Variants in ACSS3 observed in about 807,000 individuals in gnomAD.
The protein encoded by ACSS3 is acyl-CoA synthetase short-chain family member 3, mitochondrial.
Under a neutral mutation model 84.2 loss-of-function variants are expected in ACSS3, and 64 were observed. That is an observed-to-expected ratio of 0.76 (90% CI 0.62 to 0.94). The LOEUF is 0.94. Among genes scored for constraint, ACSS3 ranks in the 40% least tolerant of loss-of-function variants. The probability of loss-of-function intolerance (pLI) is 0.00; values close to 1 mark genes in which losing one functional copy is unlikely to be tolerated. For missense variants in ACSS3, 815 were observed against 867.6 expected (o/e 0.94, Z 0.76); for synonymous variants, 317 against 310.1 (o/e 1.02, Z -0.23).
chr12:81,244,528 C>G (rs2033919134), intron 13 of ACSS3, among the ~76,000 whole-genome samples: 1 of 151,848 alleles, frequency 6.6e-6, no homozygotes, highest in South Asian at 2.1e-4. Flanking sequence ...TTTTGAAGTT[C>G]TTGGATATTT....
chr12:81,217,591 C>T (rs2032966474), intron 10 of ACSS3, among the ~76,000 whole-genome samples: 1 of 152,044 alleles, frequency 6.6e-6, no homozygotes, highest in African/African-American at 2.4e-5. Flanking sequence ...GCCTGTAATC[C>T]CAGCATTTTG....
At chr12:81,095,839 G>A (rs1882005669) in intron 1 of ACSS3, among the ~76,000 whole-genome samples, 1 of 152,216 alleles carries the variant, frequency 6.6e-6, no homozygotes, top group South Asian at 2.1e-4. Flanking sequence ...ACATACTCAT[G>A]TAGGAAGGAT....
chr12:81,176,221 A>G (rs970349616), intron 8 of ACSS3, among the ~76,000 whole-genome samples: 2 of 152,228 alleles, frequency 1.3e-5, no homozygotes, highest in African/African-American at 4.8e-5. Flanking sequence ...AAATACCTCT[A>G]TGCACACAAA....
intron 1 of ACSS3, among the ~76,000 whole-genome samples, chr12:81,087,564 T>C (rs1881400988): frequency 6.6e-6 from 1 of 152,148 alleles, no homozygotes; most frequent in Non-Finnish European, 1.5e-5. Context: ...TCCGTATTAT[T>C]GTCCATTTGC....
At chr12:81,128,998 A>G (rs1347372444) in intron 2 of ACSS3, among the ~76,000 whole-genome samples, 1 of 152,224 alleles carries the variant, frequency 6.6e-6, no homozygotes, top group Non-Finnish European at 1.5e-5. Context: ...CCTGAAAACT[A>G]CTGGAAAAGA....
chr12:81,145,631 G>A (rs960809605), intron 5 of ACSS3, among the ~76,000 whole-genome samples: 1 of 152,176 alleles, frequency 6.6e-6, no homozygotes, highest in Non-Finnish European at 1.5e-5. Flanking sequence ...ATCAGATTTG[G>A]TTCAAAGTTA....
chr12:81,246,997 A>G (rs1328672243), intron 13 of ACSS3, among the ~76,000 whole-genome samples: 1 of 152,094 alleles, frequency 6.6e-6, no homozygotes, highest in Non-Finnish European at 1.5e-5. Context: ...TAACAGCTTA[A>G]TACTTCTTGT....
intron 8 of ACSS3, among the ~76,000 whole-genome samples, chr12:81,191,105 C>T (rs1340893508): frequency 6.6e-6 from 1 of 151,948 alleles, no homozygotes; most frequent in African/African-American, 2.4e-5. Context: ...TGTTTTCATA[C>T]ATGCACAGCC....
intron 2 of ACSS3, among the ~76,000 whole-genome samples, chr12:81,121,984 A>G (rs1436605229): frequency 6.6e-6 from 1 of 151,372 alleles, no homozygotes; most frequent in Non-Finnish European, 1.5e-5. Flanking sequence ...CCCAGACAGG[A>G]GTGCAGTGGC....
At chr12:81,140,688 A>G (rs1886050893) in intron 4 of ACSS3, among the ~76,000 whole-genome samples, 1 of 152,152 alleles carries the variant, frequency 6.6e-6, no homozygotes, top group South Asian at 2.1e-4. Flanking sequence ...ACTTTTTTTA[A>G]AAAAGCTTCT....
chr12:81,197,079 C>T (rs1049398509), intron 8 of ACSS3, among the ~76,000 whole-genome samples: 2 of 151,702 alleles, frequency 1.3e-5, no homozygotes, highest in African/African-American at 2.4e-5. Flanking sequence ...AGAAAACGAA[C>T]GTGGATTAGT....
chr12:81,219,851 T>C (rs1192794589), intron 10 of ACSS3, among the ~76,000 whole-genome samples, 162 bp from the exon 11 acceptor site: 1 of 152,052 alleles, frequency 6.6e-6, no homozygotes, highest in African/African-American at 2.4e-5. Flanking sequence ...GCTCTTTATT[T>C]TTTTGTAAGA....
At position 81,174,811 on chromosome 12, in the gene ACSS3, T is replaced by A; in HGVS notation, c.1122T>A (p.Asp374Glu). 1 of 1,613,680 alleles carries A rather than the reference T, an allele frequency of 6.2e-7. No individual in the cohort carries two copies. The highest frequency in any genetic ancestry group is 8.5e-7 in the Non-Finnish European group (1 of 1,179,746). Residue 374 changes from aspartate (D) to glutamate (E), a missense_variant, in exon 8 of 16, where the codon GAT becomes GAA. Coordinates refer to ENST00000548058, the MANE Select transcript of ACSS3 (RefSeq NM_024560.4). ...AGGGGAAGCCTGTGGGAACACCAGA[T>A]GCTGGCGCTTATTTCCGTGTGCTTG... ...LYEGKPVGTPDAGAYFRVLAE... is the reference protein window; with the variant it reads ...LYEGKPVGTPEAGAYFRVLAE...
At chr12:81,158,055 C>T (rs1158360248) in intron 7 of ACSS3, among the ~76,000 whole-genome samples, 1 of 151,638 alleles carries the variant, frequency 6.6e-6, no homozygotes, top group Non-Finnish European at 1.5e-5. Flanking sequence ...TATAAATCAG[C>T]AATGGCCACA....
At chr12:81,206,316 T>C (rs929674697) in intron 9 of ACSS3, among the ~76,000 whole-genome samples, 1 of 152,042 alleles carries the variant, frequency 6.6e-6, no homozygotes, top group Admixed American at 6.6e-5. Flanking sequence ...AAGAGTTGGG[T>C]TGTACTGAAC....
chr12:81,104,936 T>G (rs529474169), intron 1 of ACSS3: 3 of 152,190 alleles, frequency 2.0e-5, no homozygotes, highest in Non-Finnish European at 2.9e-5. Context: ...ATATATTGCA[T>G]AGTGGTGAAA....
intron 13 of ACSS3, among the ~76,000 whole-genome samples, chr12:81,233,978 A>G (rs2033549652): frequency 6.6e-6 from 1 of 151,622 alleles, no homozygotes; most frequent in African/African-American, 2.4e-5. Flanking sequence ...ATTTATACTA[A>G]TACAGTTTCT....
At chr12:81,087,510 T>C (rs192807319) in intron 1 of ACSS3, among the ~76,000 whole-genome samples, 209 of 151,814 alleles carry the variant, frequency 1.4e-3, no homozygotes, top group African/African-American at 4.9e-3. Flanking sequence ...CCAGTATAGA[T>C]ATCTGTAGAA....
chr12:81,145,067 A>ATTTTTTTTTTT (rs35753293), intron 5 of ACSS3, among the ~76,000 whole-genome samples: 1,176 of 100,662 alleles, frequency 0.012, no homozygotes, highest in Non-Finnish European at 0.014. Flanking sequence ...CGCCTGGCTA[A>ATTTTTTTTTTT]TTTTTTTTTT....
Sources: gnomAD v4.1 joint callset for allele counts (sites outside exome capture counted in the v4.1 genomes callset) on GRCh38, gnomAD v4.1.1 for gene constraint, MANE v1.5 for transcripts, NCBI Gene and HGNC (gene_info 2026-07-23, HGNC 2026-07-21) for gene names.